Variants in FBXO16 observed in about 807,000 individuals in gnomAD.
FBXO16 encodes F-box only protein 16.
In FBXO16, 31 loss-of-function variants were observed where a neutral mutation model predicts 41.0. The observed-to-expected ratio is 0.76, with a 90% CI of 0.57 to 1.02. FBXO16 has a LOEUF of 1.02. Ranked by LOEUF, FBXO16 falls within the 50% of genes least tolerant of loss-of-function variation. FBXO16 has a pLI of 0.00. For synonymous variants in FBXO16, 133 were observed against 117.8 expected, an observed-to-expected ratio of 1.13 and a Z score of -0.84; for missense variants, 361 against 346.2, an observed-to-expected ratio of 1.04 and a Z score of -0.34.
chr8:28,437,778 C>T (rs1802707934), intron 7 of FBXO16, among the ~76,000 whole-genome samples: 1 of 152,008 alleles, frequency 6.6e-6, no homozygotes, highest in African/African-American at 2.4e-5. Context: ...GAGGCTAAGG[C>T]AGGAAGATCA....
intron 4 of FBXO16, among the ~76,000 whole-genome samples, chr8:28,458,885 T>A (rs1251480340): frequency 6.6e-6 from 1 of 152,176 alleles, no homozygotes; most frequent in Non-Finnish European, 1.5e-5. Context: ...AATTGAAAGG[T>A]AAGTAAGAGC....
intron 2 of FBXO16, among the ~76,000 whole-genome samples, chr8:28,474,939 G>A (rs906308908): frequency 6.6e-6 from 1 of 152,218 alleles, no homozygotes; most frequent in Non-Finnish European, 1.5e-5. Flanking sequence ...ATTTCAGTGA[G>A]TGAGGAAAGG....
At chr8:28,452,818 C>CAAAA (rs1359315213) in intron 5 of FBXO16, among the ~76,000 whole-genome samples, 1 of 150,936 alleles carries the variant, frequency 6.6e-6, no homozygotes, top group African/African-American at 2.4e-5. Flanking sequence ...CAAAACAAAA[C>CAAAA]AAAACAAACA....
chr8:28,460,241 ATATATT>A (rs1197940958), intron 4 of FBXO16, among the ~76,000 whole-genome samples: 48 of 93,634 alleles, frequency 5.1e-4, no homozygotes, highest in African/African-American at 2.6e-3. Flanking sequence ...ATATATATAT[ATATATT>A]TTTTTTTTTT....
Position 28,460,423 on chromosome 8 carries a change from A to ATTTTTTTTTTT in FBXO16, c.342+3178_342+3188dup, listed in dbSNP as rs1174276709. 6.3e-3 allele frequency among the ~76,000 whole-genome samples: 522 copies of ATTTTTTTTTTT among 82,492 alleles called. 97 individuals carry two copies. The highest frequency in any genetic ancestry group is 0.026 in the African/African-American group (407 of 15,902). 54.1% of individuals were successfully genotyped at this position (82,492 alleles called of 152,430 possible). ...TAGGCACATGCGCTATACCTGGCTA[A>ATTTTTTTTTTT]TTTTTTTTTTTTTTTTTTTTTTGAG... On this transcript the variant is annotated intron_variant, in intron 4 of 8. Transcript: ENST00000380254.
chr8:28,444,584 TCTC>T (rs1452979868), intron 7 of FBXO16, among the ~76,000 whole-genome samples: 2 of 150,316 alleles, frequency 1.3e-5, no homozygotes, highest in East Asian at 3.9e-4. Context: ...TTCACGCCAT[TCTC>T]CTGCCTCAGC....
intron 6 of FBXO16, among the ~76,000 whole-genome samples, chr8:28,449,670 C>T (rs970665010): frequency 1.3e-5 from 2 of 151,736 alleles, no homozygotes; most frequent in African/African-American, 4.8e-5. Context: ...GCTCCCTTGG[C>T]CCAATAAAGA....
chr8:28,472,049 G>T (rs1585915880), intron 3 of FBXO16, among the ~76,000 whole-genome samples: 1 of 152,058 alleles, frequency 6.6e-6, no homozygotes, highest in East Asian at 1.9e-4. Flanking sequence ...AAACTGTGCT[G>T]GTTACTAAGC....
At chr8:28,488,455 C>T (rs907523986) in intron 1 of FBXO16, among the ~76,000 whole-genome samples, 1 of 144,214 alleles carries the variant, frequency 6.9e-6, no homozygotes. Context: ...ACCACCACAC[C>T]TGGCTAATTT....
chr8:28,428,627 T>G lies in FBXO16; in HGVS notation c.*100A>C. ...GGGCCCAGGGTGCCTGTGAGGATGC[T>G]GCATGAGAATTTCAGCTGTGGTGGC... On this transcript the variant is annotated 3_prime_UTR_variant, in exon 9 of 9. Coordinates refer to ENST00000380254, the MANE Select transcript of FBXO16 (RefSeq NM_172366.4). 6.4e-7 allele frequency: 1 copy of G among 1,553,240 alleles called. No individual in the cohort carries two copies. The highest frequency in any genetic ancestry group is 8.7e-7 in the Non-Finnish European group (1 of 1,147,948).
In FBXO16 at chr8:28,473,827, A is replaced by T; in HGVS notation, c.100-20T>A. Reference sequence around the variant, plus strand: ...AAATACCTACAGTAAGTAAAAAAGAATATGGTAATTTCATATACCATAGTT... The same window carrying T: ...AAATACCTACAGTAAGTAAAAAAGATTATGGTAATTTCATATACCATAGTT... On this transcript the variant is annotated intron_variant, in intron 2 of 8. Coordinates refer to ENST00000380254, the MANE Select transcript of FBXO16 (RefSeq NM_172366.4). 2 of 1,579,336 alleles carry T rather than the reference A, an allele frequency of 1.3e-6. No homozygotes were observed. The highest frequency in any genetic ancestry group is 1.7e-6 in the Non-Finnish European group (2 of 1,153,808).
intron 5 of FBXO16, among the ~76,000 whole-genome samples, chr8:28,454,389 T>G (rs182789639): frequency 6.6e-6 from 1 of 151,582 alleles, no homozygotes; most frequent in Non-Finnish European, 1.5e-5. Flanking sequence ...AAAAATAACT[T>G]CAGGGGGAAA....
At chr8:28,487,939 G>A (rs1216139352) in intron 1 of FBXO16, among the ~76,000 whole-genome samples, 3 of 150,914 alleles carry the variant, frequency 2.0e-5, no homozygotes, top group Non-Finnish European at 3.0e-5. Context: ...CACAACCTCC[G>A]CCTCCCAGGT....
intron 4 of FBXO16, among the ~76,000 whole-genome samples, chr8:28,461,305 G>T (rs76768433): frequency 0.011 from 1,656 of 152,128 alleles, 34 homozygotes; most frequent in African/African-American, 0.037. Flanking sequence ...TATTTGAAAT[G>T]TTAACACTGC....
At chr8:28,449,758 G>A (rs773717689) in intron 6 of FBXO16, among the ~76,000 whole-genome samples, 3 of 151,994 alleles carry the variant, frequency 2.0e-5, no homozygotes, top group Admixed American at 2.0e-4. Flanking sequence ...AGGATCATGA[G>A]GTTAGGAGTT....
intron 2 of FBXO16, among the ~76,000 whole-genome samples, chr8:28,476,220 A>G (rs1803420839): frequency 6.6e-6 from 1 of 152,254 alleles, no homozygotes; most frequent in Non-Finnish European, 1.5e-5. Context: ...AATAGGGTGG[A>G]TGTTGGGAAG....
intron 4 of FBXO16, among the ~76,000 whole-genome samples, 173 bp from the exon 5 acceptor site, chr8:28,457,103 G>A (rs1803052225): frequency 6.6e-6 from 1 of 152,124 alleles, no homozygotes; most frequent in African/African-American, 2.4e-5. Context: ...TCCTACCCAG[G>A]CAGATTTAAA....
At chr8:28,431,557 T>A (rs1471998420) in intron 7 of FBXO16, among the ~76,000 whole-genome samples, 1 of 152,216 alleles carries the variant, frequency 6.6e-6, no homozygotes, top group East Asian at 1.9e-4. Flanking sequence ...TACTGATCTT[T>A]TCCCTTGGCT....
chr8:28,435,767 C>A lies in FBXO16; in HGVS notation c.844-6364G>T, dbSNP rs143059806. ...GGTGGGGATCAATCAGGGGAAAGCACGCCAAATGGGAAGACAGATTCTCAA... is the reference window on the plus strand; with the variant it reads ...GGTGGGGATCAATCAGGGGAAAGCAAGCCAAATGGGAAGACAGATTCTCAA... On this transcript the variant is annotated intron_variant, in intron 7 of 8. Coordinates refer to ENST00000380254, the MANE Select transcript of FBXO16 (RefSeq NM_172366.4). Among the ~76,000 whole-genome samples the A allele has an allele frequency of 4.8e-3, 729 of 152,176 alleles. 5 individuals are homozygous for A. The highest frequency in any genetic ancestry group is 8.9e-3 in the Admixed American group (136 of 15,272).
Sources: gnomAD v4.1 joint callset for allele counts (sites outside exome capture counted in the v4.1 genomes callset) on GRCh38, gnomAD v4.1.1 for gene constraint, MANE v1.5 for transcripts, NCBI Gene and HGNC (gene_info 2026-07-23, HGNC 2026-07-21) for gene names.